Variants in SLC4A4 observed in about 807,000 individuals in gnomAD.
SLC4A4 encodes the protein solute carrier family 4 member 4, also known as electrogenic sodium bicarbonate cotransporter 1.
Under a neutral mutation model 111.5 loss-of-function variants are expected in SLC4A4, and 27 were observed. That is an observed-to-expected ratio of 0.24 (90% CI 0.18 to 0.33). The LOEUF is 0.33. Ranked by LOEUF, SLC4A4 falls within the 10% of genes least tolerant of loss-of-function variation. The pLI, the probability that SLC4A4 is intolerant of heterozygous loss-of-function variation, is 1.00. For synonymous variants in SLC4A4, 443 were observed against 463.4 expected, an observed-to-expected ratio of 0.96 and a Z score of 0.57; for missense variants, 909 against 1,315.5, an observed-to-expected ratio of 0.69 and a Z score of 4.78.
At chr4:71,326,650 A>G (rs1312139957) in intron 3 of SLC4A4, among the ~76,000 whole-genome samples, 1 of 152,086 alleles carries the variant, frequency 6.6e-6, no homozygotes, top group East Asian at 1.9e-4. Flanking sequence ...CATCTCTGAA[A>G]AAGAGTAAAA....
At chr4:71,398,755 C>T (rs1301111628) in intron 7 of SLC4A4, among the ~76,000 whole-genome samples, 3 of 152,188 alleles carry the variant, frequency 2.0e-5, no homozygotes, top group Admixed American at 1.3e-4. Context: ...ATGATGGACA[C>T]TAGTTTTGTT....
At chr4:71,520,146 C>G (rs1368708374) in intron 16 of SLC4A4, among the ~76,000 whole-genome samples, 1 of 152,130 alleles carries the variant, frequency 6.6e-6, no homozygotes, top group Non-Finnish European at 1.5e-5. Flanking sequence ...ACAATCAAGG[C>G]TATTTTTAGT....
At chr4:71,105,617 G>T (rs1258578082) in intron 2 of SLC4A4, among the ~76,000 whole-genome samples, 8 of 140,822 alleles carry the variant, frequency 5.7e-5, no homozygotes, top group African/African-American at 2.2e-4. Flanking sequence ...AAATAACGCC[G>T]CATATCTACA....
chr4:71,080,920 A>G (rs1399663046), intron 1 of SLC4A4, among the ~76,000 whole-genome samples: 2 of 152,108 alleles, frequency 1.3e-5, no homozygotes, highest in Non-Finnish European at 2.9e-5. Flanking sequence ...CTTATCACAA[A>G]ATACATAAGT....
At chr4:71,382,748 TATGAGCC>T (rs1292682276) in intron 6 of SLC4A4, among the ~76,000 whole-genome samples, 1 of 152,156 alleles carries the variant, frequency 6.6e-6, no homozygotes, top group Non-Finnish European at 1.5e-5. Context: ...TCTGTGATTC[TATGAGCC>T]ACATCTACAA....
At chr4:71,069,193 A>C (rs1225327928) in intron 1 of SLC4A4, among the ~76,000 whole-genome samples, 1 of 152,240 alleles carries the variant, frequency 6.6e-6, no homozygotes, top group African/African-American at 2.4e-5. Context: ...TACAAATAAA[A>C]GTAGTCATGT....
chr4:71,339,471 G>A lies in SLC4A4; in HGVS notation c.355G>A (p.Asp119Asn). 5.0e-6 allele frequency: 8 copies of A among 1,613,984 alleles called. No homozygotes were observed. Among genetic ancestry groups the A allele is most frequent in the Non-Finnish European group, 5.9e-6 (7 of 1,180,028 alleles). The change falls in exon 4 of 26, where the codon GAT becomes AAT. Residue 119 changes from aspartate (D) to asparagine (N), a missense_variant. By Grantham distance (23) the Asp-to-Asn change is conservative. Coordinates refer to ENST00000264485, the MANE Select transcript of SLC4A4 (RefSeq NM_001098484.3). The part of the protein sequence containing the change: ...FTELDELLAV[D>N]GQEMEWKETA... ...GGAACTGGATGAGCTGCTGGCCGTG[G>A]ATGGGCAGGAGATGGAGTGGAAGGA...
chr4:71,402,113 G>A (rs1056701177), intron 7 of SLC4A4, among the ~76,000 whole-genome samples: 2 of 152,096 alleles, frequency 1.3e-5, no homozygotes, highest in African/African-American at 4.8e-5. Context: ...TGAAGTCTTG[G>A]TCTTTTAAGG....
intron 3 of SLC4A4, among the ~76,000 whole-genome samples, chr4:71,319,161 T>C (rs1726930185): frequency 6.6e-6 from 1 of 152,062 alleles, no homozygotes; most frequent in Non-Finnish European, 1.5e-5. Context: ...ACATCTAGAT[T>C]CATTTCAGTA....
At chr4:71,150,069 T>C (rs926710847) in intron 2 of SLC4A4, among the ~76,000 whole-genome samples, 7 of 152,296 alleles carry the variant, frequency 4.6e-5, no homozygotes, top group African/African-American at 1.4e-4. Context: ...GTAGTATATG[T>C]TCATAAAACC....
At chr4:71,209,944 A>G (rs567683578) in intron 1 of SLC4A4, among the ~76,000 whole-genome samples, 1 of 152,360 alleles carries the variant, frequency 6.6e-6, no homozygotes, top group East Asian at 1.9e-4. Context: ...TTTGTGGTCT[A>G]ACCATGAAAG....
intron 20 of SLC4A4, among the ~76,000 whole-genome samples, chr4:71,554,595 T>A (rs916496144): frequency 2.6e-5 from 4 of 151,896 alleles, no homozygotes; most frequent in African/African-American, 9.7e-5. Context: ...TTCTCTTTAG[T>A]TAGTTCTCAT....
At chr4:71,258,172 C>G (rs77474035) in intron 3 of SLC4A4, among the ~76,000 whole-genome samples, 2,008 of 152,316 alleles carry the variant, frequency 0.013, 32 homozygotes, top group African/African-American at 0.041. Flanking sequence ...TCCTTGCTCA[C>G]TTTACTCCAG....
intron 3 of SLC4A4, among the ~76,000 whole-genome samples, chr4:71,281,497 G>A (rs1325614377): frequency 2.0e-5 from 3 of 152,130 alleles, no homozygotes; most frequent in Non-Finnish European, 4.4e-5. Context: ...GTAAAAACAA[G>A]GGGCCTTGAC....
At chr4:71,373,649 T>A (rs1732083718) in intron 6 of SLC4A4, among the ~76,000 whole-genome samples, 1 of 152,044 alleles carries the variant, frequency 6.6e-6, no homozygotes. Context: ...TCTATGAAAG[T>A]TTTTAGTACG....
At chr4:71,248,414 A>G (rs1181704241) in intron 2 of SLC4A4, among the ~76,000 whole-genome samples, 3 of 150,512 alleles carry the variant, frequency 2.0e-5, no homozygotes, top group African/African-American at 7.3e-5. Context: ...ATATATAGAT[A>G]TTTGTATAGG....
chr4:71,332,939 A>C (rs1313999384), intron 3 of SLC4A4, among the ~76,000 whole-genome samples: 1 of 152,166 alleles, frequency 6.6e-6, no homozygotes, highest in African/African-American at 2.4e-5. Context: ...CTTGAATTTC[A>C]TTGAGCTTCC....
At position 71,525,090 on chromosome 4, in the gene SLC4A4, ACT is replaced by A. The variant is rs376081368; in HGVS notation, c.2167-6966_2167-6965del. ...CACTGTTAGTGTCTCTATGATTGTG[ACT>A]CTCTCAATAATTAATACAGTATCAT... On this transcript the variant is annotated intron_variant, in intron 16 of 25. Coordinates refer to ENST00000264485, the MANE Select transcript of SLC4A4 (RefSeq NM_001098484.3). Among the ~76,000 whole-genome samples the A allele has an allele frequency of 4.1e-4, 63 of 152,138 alleles. 2 individuals carry two copies. In the South Asian group the frequency reaches 0.013, roughly 31 times the overall value.
At chr4:71,375,773 T>G (rs1732291965) in intron 6 of SLC4A4, among the ~76,000 whole-genome samples, 1 of 152,146 alleles carries the variant, frequency 6.6e-6, no homozygotes, top group Non-Finnish European at 1.5e-5. Context: ...AATAAAGTTT[T>G]GTTGGAATAA....
Sources: gnomAD v4.1 joint callset for allele counts (sites outside exome capture counted in the v4.1 genomes callset) on GRCh38, gnomAD v4.1.1 for gene constraint, MANE v1.5 for transcripts, NCBI Gene and HGNC (gene_info 2026-07-23, HGNC 2026-07-21) for gene names.